The following PSMB2 variants were observed in gnomAD, a reference collection of about 807,000 sequenced individuals.
PSMB2 encodes proteasome subunit beta type-2.
PSMB2 carries 13 observed loss-of-function variants against 25.7 expected under a neutral mutation model. That is an observed-to-expected ratio of 0.51 (90% confidence interval 0.33 to 0.80). The LOEUF (loss-of-function observed/expected upper bound fraction) is 0.80. Ranked by LOEUF, PSMB2 falls within the 30% of genes least tolerant of loss-of-function variation. The pLI is 0.02. For synonymous variants in PSMB2, 87 were observed against 96.2 expected (o/e 0.90, Z 0.56); for missense variants, 202 against 259.0 (o/e 0.78, Z 1.51).
chr1:35,633,366 C>CTT (rs1651155754), intron 2 of PSMB2, among the ~76,000 whole-genome samples: 1 of 152,246 alleles, frequency 6.6e-6, no homozygotes, highest in East Asian at 1.9e-4. Flanking sequence ...TATAGATTTT[C>CTT]TCTTTCTTTC....
intron 2 of PSMB2, among the ~76,000 whole-genome samples, chr1:35,635,848 A>AG (rs1651232916): frequency 6.6e-6 from 1 of 151,516 alleles, no homozygotes; most frequent in African/African-American, 2.4e-5. Flanking sequence ...AAAAAAAAAA[A>AG]AAAAGAAAAT....
At chr1:35,610,891 T>C (rs1277728560) in intron 3 of PSMB2, among the ~76,000 whole-genome samples, 2 of 152,268 alleles carry the variant, frequency 1.3e-5, no homozygotes, top group Non-Finnish European at 2.9e-5. Flanking sequence ...CTTGGATTTA[T>C]AGGTATCCTT....
chr1:35,608,683 A>T (rs1002698305), intron 4 of PSMB2, among the ~76,000 whole-genome samples: 1 of 152,218 alleles, frequency 6.6e-6, no homozygotes, highest in Non-Finnish European at 1.5e-5. Context: ...CTTTACGGAC[A>T]AGTAGAGCGA....
chr1:35,626,848 A>C (rs985727806), intron 3 of PSMB2, among the ~76,000 whole-genome samples: 1 of 152,204 alleles, frequency 6.6e-6, no homozygotes, highest in Non-Finnish European at 1.5e-5. Context: ...TGTCTAATAC[A>C]ATAGTTGTGG....
At chr1:35,638,053 A>G (rs1009792688) in intron 1 of PSMB2, among the ~76,000 whole-genome samples, 1 of 152,182 alleles carries the variant, frequency 6.6e-6, no homozygotes, top group Non-Finnish European at 1.5e-5. Context: ...AAGAAAAAAG[A>G]TATTTTTATT....
At chr1:35,640,891 G>A (rs1232585522) in intron 1 of PSMB2, among the ~76,000 whole-genome samples, 1 of 152,298 alleles carries the variant, frequency 6.6e-6, no homozygotes, top group African/African-American at 2.4e-5. Context: ...AGCCCTGGAG[G>A]AGCAAATGCC....
rs1538310 is a variant in PSMB2, at chr1:35,622,027, C to T, written c.285+9247G>A. 5.8e-3 allele frequency among the ~76,000 whole-genome samples: 884 copies of T among 152,188 alleles called. 19 individuals carry two copies. The East Asian group carries it at 0.061, about 11-fold the overall frequency. On this transcript the variant is annotated intron_variant, in intron 3 of 5. Transcript: ENST00000373237. ...AAGAAAAAAAAAAGCATAAAATATACATGGTATAGCGAATGAACATAGTAA... is the reference window on the plus strand; with the variant it reads ...AAGAAAAAAAAAAGCATAAAATATATATGGTATAGCGAATGAACATAGTAA...
At position 35,599,573 on chromosome 1, in the gene PSMB2, A is replaced by C. The variant is rs988083803; in HGVS notation, c.*3694T>G. Reference sequence around the variant, plus strand: ...GGAACACAGGCTTTATGAGGTGTAAAGGAGGGAAAGGAAGTGGGGAGTTAG... The same window carrying C: ...GGAACACAGGCTTTATGAGGTGTAACGGAGGGAAAGGAAGTGGGGAGTTAG... On this transcript the variant is annotated 3_prime_UTR_variant, in exon 6 of 6. Coordinates refer to ENST00000373237, the MANE Select transcript of PSMB2 (RefSeq NM_002794.5). 15 of 985,118 alleles carry C rather than the reference A, an allele frequency of 1.5e-5. No individual in the cohort carries two copies. Among genetic ancestry groups the C allele is most frequent in the Non-Finnish European group, 1.7e-5 (14 of 829,636 alleles). The allele number at this position is 985,118 out of a possible 1,614,324, so 61.0% of individuals were successfully genotyped here.
At chr1:35,619,889 C>T (rs1027569383) in intron 3 of PSMB2, among the ~76,000 whole-genome samples, 5 of 152,156 alleles carry the variant, frequency 3.3e-5, no homozygotes, top group South Asian at 2.1e-4. Flanking sequence ...CCCCAAATAA[C>T]GTCAAAATAA....
intron 5 of PSMB2, among the ~76,000 whole-genome samples, chr1:35,604,321 G>A (rs1321436135): frequency 6.6e-6 from 1 of 152,166 alleles, no homozygotes; most frequent in Non-Finnish European, 1.5e-5. Context: ...GTCCTCGCAA[G>A]CCAAAGTCTA....
Position 35,603,098 on chromosome 1 carries a change from T to C in PSMB2, c.*169A>G, listed in dbSNP as rs2148560252. The C allele has an allele frequency of 7.1e-7, 1 of 1,401,826 alleles. No homozygotes were observed. Among genetic ancestry groups the C allele is most frequent in the Non-Finnish European group, 9.3e-7 (1 of 1,079,054 alleles). 86.8% of individuals were successfully genotyped at this position (1,401,826 alleles called of 1,614,324 possible). A position where few individuals can be genotyped will look rare whatever the true frequency, so the allele number is the denominator to read the frequency against. On this transcript the variant is annotated 3_prime_UTR_variant, in exon 6 of 6. Transcript: ENST00000373237. ...GATCATCTTCCCTCCATATCCTTTC[T>C]GAGGTAATATTAGGTAAACTGAGAC...
chr1:35,604,236 TCC>T (rs922780508), intron 5 of PSMB2, among the ~76,000 whole-genome samples: 5 of 151,872 alleles, frequency 3.3e-5, no homozygotes, highest in African/African-American at 1.2e-4. Flanking sequence ...ACCTCCCCAT[TCC>T]CCCATTCTCC....
Position 35,640,654 on chromosome 1 carries a change from GGA to G in PSMB2, c.91+686_91+687del, listed in dbSNP as rs1198838633. Among the ~76,000 whole-genome samples the G allele has an allele frequency of 4.8e-3, 714 of 149,738 alleles. 14 individuals are homozygous for G. The highest frequency in any genetic ancestry group is 0.017 in the African/African-American group (694 of 40,314). On this transcript the variant is annotated intron_variant, in intron 1 of 5. Transcript: ENST00000373237. ...ACCAGGAAACTTATCAGAGATTCGG[GGA>G]TCTAGAGAGCCAGTCCCACAGTCTC...
chr1:35,639,237 G>C (rs1651329003), intron 1 of PSMB2, among the ~76,000 whole-genome samples: 1 of 152,012 alleles, frequency 6.6e-6, no homozygotes, highest in Non-Finnish European at 1.5e-5. Context: ...CTGGGTGACA[G>C]AGCGAGACTC....
chr1:35,629,439 T>C (rs1206218617), intron 3 of PSMB2, among the ~76,000 whole-genome samples: 1 of 152,230 alleles, frequency 6.6e-6, no homozygotes, highest in African/African-American at 2.4e-5. Context: ...GAGACAGCTC[T>C]AGAATAGCAA....
chr1:35,618,125 G>A (rs78053094), intron 3 of PSMB2, among the ~76,000 whole-genome samples: 3,081 of 152,244 alleles, frequency 0.02, 93 homozygotes, highest in East Asian at 0.061. Flanking sequence ...CTAGACAGAC[G>A]ATGAGGACCA....
At chr1:35,634,507 G>A (rs1440017707) in intron 2 of PSMB2, among the ~76,000 whole-genome samples, 1 of 152,074 alleles carries the variant, frequency 6.6e-6, no homozygotes, top group Non-Finnish European at 1.5e-5. Flanking sequence ...TTCCTGAGTA[G>A]CTGGGACTAT....
rs919275045 is a variant in PSMB2 at position 35,605,977 on chromosome 1, G to C, written c.449-695C>G. 2.0e-5 allele frequency among the ~76,000 whole-genome samples: 3 copies of C among 152,296 alleles called. No homozygotes were observed. The South Asian group carries it at 6.2e-4, about 32-fold the overall frequency. ...AGCTCTAGCGTGGCTAAGGTTGAGCGAGAGGGCAGCACCAAAAAAGAATGA... is the reference window on the plus strand; with the variant it reads ...AGCTCTAGCGTGGCTAAGGTTGAGCCAGAGGGCAGCACCAAAAAAGAATGA... On this transcript the variant is annotated intron_variant, in intron 4 of 5. Coordinates refer to ENST00000373237, the MANE Select transcript of PSMB2 (RefSeq NM_002794.5).
intron 3 of PSMB2, among the ~76,000 whole-genome samples, chr1:35,610,922 C>T (rs1216222463): frequency 1.3e-5 from 2 of 152,196 alleles, no homozygotes; most frequent in African/African-American, 4.8e-5. Flanking sequence ...ACCTGCAAAT[C>T]TAAAAACATA....
Sources: allele counts gnomAD v4.1 joint callset (sites outside exome capture counted in the v4.1 genomes callset), GRCh38; gene constraint gnomAD v4.1.1; transcripts MANE v1.5; gene names NCBI Gene and HGNC (gene_info 2026-07-23, HGNC 2026-07-21).